Variants in IRAK4 observed in about 807,000 individuals in gnomAD.
IRAK4 encodes interleukin 1 receptor associated kinase 4.
A neutral mutation model predicts 51.8 loss-of-function variants in IRAK4; 44 were observed. The ratio of observed to expected loss-of-function variants is 0.85; its 90% CI spans 0.67 to 1.09. The LOEUF (loss-of-function observed/expected upper bound fraction) is 1.09. Among genes scored for constraint, IRAK4 ranks in the 50% least tolerant of loss-of-function variants. The pLI, the probability that IRAK4 is intolerant of heterozygous loss-of-function variation, is 0.00. For missense variants in IRAK4, 487 were observed against 538.0 expected, an observed-to-expected ratio of 0.91 and a Z score of 0.94; for synonymous variants, 149 against 174.1, an observed-to-expected ratio of 0.86 and a Z score of 1.13.
rs1942426156 is a variant in IRAK4, at chr12:43,789,535, A to C, written c.*2820A>C. On this transcript the variant is annotated 3_prime_UTR_variant, in exon 12 of 12. Coordinates refer to ENST00000613694, the MANE Select transcript of IRAK4 (RefSeq NM_016123.4). ...AGATTGTTTTTATTAAACACTTATG[A>C]ATACTGTTTGAAGTGCTTTAATTTT... 1 of 152,226 alleles carries C rather than the reference A, an allele frequency of 6.6e-6. No homozygotes were observed. Among genetic ancestry groups the C allele is most frequent in the South Asian group, 2.1e-4 (1 of 4,828 alleles). The allele number at this position is 152,226 out of a possible 1,614,324, so 9.4% of individuals were successfully genotyped here.
intron 9 of IRAK4, 147 bp from the exon 10 acceptor site, chr12:43,783,515 G>GTC: frequency 3.3e-6 from 2 of 604,650 alleles, no homozygotes; most frequent in South Asian, 4.0e-5. Context: ...TAGAGACAGG[G>GTC]TCTCACTGTT....
At chr12:43,762,630 T>G (rs1565659289) in intron 1 of IRAK4, among the ~76,000 whole-genome samples, 1 of 152,154 alleles carries the variant, frequency 6.6e-6, no homozygotes. Context: ...AGAGCACCCA[T>G]CTAACAGAGA....
In IRAK4 at chr12:43,782,428, A is replaced by C. The variant is rs142376871; in HGVS notation, c.1063A>C (p.Met355Leu). Residue 355 changes from methionine to leucine, a missense_variant, in exon 9 of 12, where the codon ATG (methionine) becomes CTG (leucine). Met to Leu is a conservative substitution (Grantham distance 15). Coordinates refer to ENST00000613694, the MANE Select transcript of IRAK4 (RefSeq NM_016123.4). The part of the protein sequence containing the change: ...TSRIVGTTAY[M>L]APEALRGEIT... The stretch of plus-strand genomic sequence containing the variant: ...CAGAATTGTGGGAACAACAGCTTAT[A>C]TGGCACCAGAAGCTTTGCGTGGAGA... The C allele has an allele frequency of 9.3e-6, 15 of 1,613,860 alleles. No homozygotes were observed. The African/African-American group carries it at 1.9e-4, about 20-fold the overall frequency.
rs755265254 is a variant in IRAK4, at chr12:43,768,242, G to T, written c.131G>T (p.Gly44Val). ...KLAVAIKKPS[G>V]DDRYNQFHIR... ...GCTGTAGCTATTAAAAAACCATCTG[G>T]TGATGATAGATACAATCAGTTTCAC... The change falls in exon 2 of 12, where the codon GGT (glycine) becomes GTT (valine). Residue 44 changes from glycine to valine, a missense_variant. Transcript: ENST00000613694. 2 of 1,612,450 alleles carry T rather than the reference G, an allele frequency of 1.2e-6. No individual in the cohort carries two copies. The highest frequency in any genetic ancestry group is 2.2e-5 in the East Asian group (1 of 44,814).
chr12:43,778,144 A>G (rs761586665), intron 7 of IRAK4, 49 bp from the exon 8 acceptor site: 2 of 1,099,332 alleles, frequency 1.8e-6, no homozygotes, highest in Non-Finnish European at 2.8e-6. Flanking sequence ...TTCTCTGTAG[A>G]TTTTTTATTA....
chr12:43,786,904 A>G lies in IRAK4; in HGVS notation c.*189A>G. ...AGCCACCATATCAACACTTAGCCCT[A>G]CCCATTAGTATCACCCCCAGTTCTT... On this transcript the variant is annotated 3_prime_UTR_variant, in exon 12 of 12. Transcript: ENST00000613694. 1 of 603,218 alleles carries G rather than the reference A, an allele frequency of 1.7e-6. No individual in the cohort carries two copies. Among genetic ancestry groups the G allele is most frequent in the Non-Finnish European group, 2.9e-6 (1 of 341,524 alleles). 37.4% of individuals were successfully genotyped at this position (603,218 alleles called of 1,614,324 possible). A position where few individuals can be genotyped will look rare whatever the true frequency, so the allele number is the denominator to read the frequency against.
chr12:43,782,076 G>A lies in IRAK4; in HGVS notation c.942-231G>A, dbSNP rs575271577. Among the ~76,000 whole-genome samples the A allele has an allele frequency of 1.9e-3, 282 of 150,254 alleles. 5 individuals are homozygous for A. In the East Asian group the frequency reaches 0.044, roughly 23 times the overall value. ...GTTTTCCTCAAGAAACATAAAAAAA[G>A]AGGACAGTTGCTTCTCTTTAGCTAT... On this transcript the variant is annotated intron_variant, in intron 8 of 11. Coordinates refer to ENST00000613694, the MANE Select transcript of IRAK4 (RefSeq NM_016123.4).
rs534882092 is a variant in IRAK4, at chr12:43,773,823, A to G, written c.652-142A>G. 7.2e-5 allele frequency: 46 copies of G among 642,448 alleles called. No homozygotes were observed. The South Asian group carries it at 8.2e-4, about 11-fold the overall frequency. The allele number at this position is 642,448 out of a possible 1,614,324, so 39.8% of individuals were successfully genotyped here. ...TTGAGCAAATCACTAGTATTTCTAG[A>G]TCTCAGTTATTCTGTAGAATTGGGA... On this transcript the variant is annotated intron_variant, in intron 5 of 11. Coordinates refer to ENST00000613694, the MANE Select transcript of IRAK4 (RefSeq NM_016123.4).
At chr12:43,774,343 C>G (rs1196493172) in intron 6 of IRAK4, among the ~76,000 whole-genome samples, 2 of 152,182 alleles carry the variant, frequency 1.3e-5, no homozygotes, top group African/African-American at 2.4e-5. Flanking sequence ...CTCCCAGGTT[C>G]AAGCGATTCT....
At chr12:43,772,472 C>T in intron 4 of IRAK4, 110 bp downstream of exon 4, 1 of 928,692 alleles carries the variant, frequency 1.1e-6, no homozygotes, top group South Asian at 1.3e-5. Flanking sequence ...GGCACACTGG[C>T]AATAGCTCTT....
intron 1 of IRAK4, among the ~76,000 whole-genome samples, chr12:43,760,556 C>T (rs911403697): frequency 1.3e-5 from 2 of 152,200 alleles, no homozygotes; most frequent in African/African-American, 4.8e-5. Context: ...CTTGCCTGTT[C>T]CCTCCTCTGC....
chr12:43,770,909 A>G (rs1940685002), intron 2 of IRAK4: 1 of 518,084 alleles, frequency 1.9e-6, no homozygotes, highest in East Asian at 4.2e-5. Flanking sequence ...TGGGTTAGTT[A>G]TCTAGGGAGT....
chr12:43,782,399 C>CTA lies in IRAK4; in HGVS notation c.1035_1036dup (p.Ser346IlefsTer20). On this transcript the variant is annotated frameshift_variant, in exon 9 of 12. Transcript: ENST00000613694. LOFTEE classifies it high-confidence loss of function. ...GAGAAGTTTGCCCAGACAGTCATGA[C>CTA]TAGCAGAATTGTGGGAACAACAGCT... 6.2e-7 allele frequency: 1 copy of CTA among 1,613,762 alleles called. No homozygotes were observed. The highest frequency in any genetic ancestry group is 8.5e-7 in the Non-Finnish European group (1 of 1,179,718).
At chr12:43,781,067 T>A (rs1216983204) in intron 8 of IRAK4, among the ~76,000 whole-genome samples, 4 of 152,198 alleles carry the variant, frequency 2.6e-5, no homozygotes, top group African/African-American at 9.7e-5. Flanking sequence ...CTTCCCAACC[T>A]AAAGTCTTCC....
At chr12:43,770,716 G>A (rs1201525652) in intron 2 of IRAK4, among the ~76,000 whole-genome samples, 1 of 152,108 alleles carries the variant, frequency 6.6e-6, no homozygotes, top group African/African-American at 2.4e-5. Context: ...GGGCAGGGGA[G>A]ATCAACACCT....
chr12:43,782,078 G>A (rs542989501), intron 8 of IRAK4, among the ~76,000 whole-genome samples: 8 of 151,398 alleles, frequency 5.3e-5, no homozygotes, highest in Admixed American at 3.3e-4. Context: ...TAAAAAAAGA[G>A]GACAGTTGCT....
rs1355902669 is a variant in IRAK4 at position 43,778,220 on chromosome 12, A to C, written c.859A>C (p.Met287Leu). Residue 287 changes from methionine to leucine, a missense_variant, in exon 8 of 12, where the codon ATG becomes CTG. Physicochemically the swap from Met to Leu is conservative, Grantham distance 15. Coordinates refer to ENST00000613694, the MANE Select transcript of IRAK4 (RefSeq NM_016123.4). ...LDGTPPLSWH[M>L]RCKIAQGAAN... The stretch of plus-strand genomic sequence containing the variant: ...TGGTACTCCACCACTTTCTTGGCAC[A>C]TGAGATGCAAGATTGCTCAGGGTGC... 8 of 1,609,744 alleles carry C rather than the reference A, an allele frequency of 5.0e-6. No homozygotes were observed. The highest frequency in any genetic ancestry group is 6.8e-6 in the Non-Finnish European group (8 of 1,176,090).
intron 6 of IRAK4, 23 bp from the exon 7 acceptor site, chr12:43,777,607 G>A: frequency 6.3e-7 from 1 of 1,581,830 alleles, no homozygotes; most frequent in Non-Finnish European, 8.6e-7. Context: ...TAATAATTTT[G>A]CATGAAAAAT....
chr12:43,773,474 T>C (rs1218191425), intron 5 of IRAK4, among the ~76,000 whole-genome samples: 1 of 152,144 alleles, frequency 6.6e-6, no homozygotes, highest in East Asian at 1.9e-4. Flanking sequence ...ACATTAAAAT[T>C]TTTTTTATCT....
Sources: gnomAD v4.1 joint callset for allele counts (sites outside exome capture counted in the v4.1 genomes callset) on GRCh38, gnomAD v4.1.1 for gene constraint, MANE v1.5 for transcripts, NCBI Gene and HGNC (gene_info 2026-07-23, HGNC 2026-07-21) for gene names.